KCNIP4: variants seen among roughly 807,000 people sequenced by gnomAD.
The protein encoded by KCNIP4 is potassium voltage-gated channel interacting protein 4, also known as Kv channel-interacting protein 4.
In KCNIP4, 12 loss-of-function variants were observed where a neutral mutation model predicts 34.0. The observed-to-expected ratio is 0.35, with a 90% CI of 0.23 to 0.57. The LOEUF is 0.57. Ranked by LOEUF, KCNIP4 falls within the 20% of genes least tolerant of loss-of-function variation. The probability of loss-of-function intolerance (pLI) is 0.83; values close to 1 mark genes in which losing one functional copy is unlikely to be tolerated. For missense variants in KCNIP4, 238 were observed against 311.7 expected (o/e 0.76, Z 1.78); for synonymous variants, 124 against 102.2 (o/e 1.21, Z -1.29).
rs200823659 is a variant in KCNIP4 at position 20,921,011 on chromosome 4, AAAGAT to A, written c.62-38307_62-38303del. On this transcript the variant is annotated intron_variant, in intron 1 of 8. Coordinates refer to ENST00000382152, the MANE Select transcript of KCNIP4 (RefSeq NM_025221.6). Reference sequence around the variant, plus strand: ...CAAAAACAAAAATAAAATAAATAAAAAAGATAAGCTTTGCCACAGGATAGAGGAGG... The same window carrying A: ...CAAAAACAAAAATAAAATAAATAAAAAAGCTTTGCCACAGGATAGAGGAGG... 6.1e-3 allele frequency among the ~76,000 whole-genome samples: 926 copies of A among 152,240 alleles called. 10 individuals carry two copies. Among genetic ancestry groups the A allele is most frequent in the African/African-American group, 0.021 (874 of 41,538 alleles).
intron 1 of KCNIP4, among the ~76,000 whole-genome samples, chr4:20,934,824 A>C (rs1333215194): frequency 6.6e-6 from 1 of 152,212 alleles, no homozygotes; most frequent in Non-Finnish European, 1.5e-5. Flanking sequence ...TCTCTTGGCT[A>C]TTTAAAACAA....
chr4:21,676,043 G>A (rs1177944130), intron 1 of KCNIP4, among the ~76,000 whole-genome samples: 2 of 152,096 alleles, frequency 1.3e-5, no homozygotes, highest in African/African-American at 2.4e-5. Flanking sequence ...AAACCATATG[G>A]AGCATAAAGA....
chr4:21,929,515 T>C (rs1326697575), intron 1 of KCNIP4, among the ~76,000 whole-genome samples: 3 of 152,168 alleles, frequency 2.0e-5, no homozygotes, highest in African/African-American at 7.2e-5. Flanking sequence ...TAGTTCTTTC[T>C]ATTGTGCTTT....
At chr4:21,603,592 G>A (rs148700281) in intron 1 of KCNIP4, among the ~76,000 whole-genome samples, 5 of 152,134 alleles carry the variant, frequency 3.3e-5, no homozygotes, top group Middle Eastern at 3.4e-3. Context: ...GTACCTTGCC[G>A]GCTAAGCTAA....
At chr4:21,555,020 A>G (rs1219578927) in intron 1 of KCNIP4, among the ~76,000 whole-genome samples, 2 of 152,184 alleles carry the variant, frequency 1.3e-5, no homozygotes, top group African/African-American at 4.8e-5. Context: ...TAGCCTATAG[A>G]AAGGCATTAC....
chr4:21,251,475 A>G (rs1017724439), intron 1 of KCNIP4, among the ~76,000 whole-genome samples: 8 of 152,160 alleles, frequency 5.3e-5, no homozygotes, highest in Non-Finnish European at 8.8e-5. Context: ...AGGTTTAATC[A>G]CTAGAGTGTT....
At chr4:21,869,775 T>TAGACAGACAGAC (rs1325814468) in intron 1 of KCNIP4, among the ~76,000 whole-genome samples, 31 of 87,638 alleles carry the variant, frequency 3.5e-4, no homozygotes, top group African/African-American at 1.0e-3. Flanking sequence ...GATAGATAGA[T>TAGACAGACAGAC]AGATAGATAG....
chr4:21,096,069 G>C (rs1747436082), intron 1 of KCNIP4, among the ~76,000 whole-genome samples: 1 of 152,010 alleles, frequency 6.6e-6, no homozygotes, highest in East Asian at 1.9e-4. Flanking sequence ...AAACTATCTG[G>C]GGAGATTAAA....
At chr4:21,632,865 A>G (rs1336224537) in intron 1 of KCNIP4, among the ~76,000 whole-genome samples, 1 of 152,200 alleles carries the variant, frequency 6.6e-6, no homozygotes, top group African/African-American at 2.4e-5. Flanking sequence ...AAATGCTTCC[A>G]TGAAAGCATT....
chr4:21,097,953 G>A (rs1747608175), intron 1 of KCNIP4, among the ~76,000 whole-genome samples: 2 of 152,126 alleles, frequency 1.3e-5, no homozygotes, highest in Non-Finnish European at 2.9e-5. Context: ...CAAAGGAAGA[G>A]TTCTTGAAGA....
chr4:21,766,568 TAAC>T (rs925515480), intron 1 of KCNIP4, among the ~76,000 whole-genome samples: 1 of 152,200 alleles, frequency 6.6e-6, no homozygotes, highest in African/African-American at 2.4e-5. Flanking sequence ...TAAAATTTTC[TAAC>T]AACAATGATC....
At chr4:21,605,020 G>A (rs1429218246) in intron 1 of KCNIP4, among the ~76,000 whole-genome samples, 2 of 152,156 alleles carry the variant, frequency 1.3e-5, no homozygotes, top group African/African-American at 4.8e-5. Context: ...AGGACACTGG[G>A]GTGTTTCTGG....
chr4:20,794,184 A>G (rs928934660), intron 3 of KCNIP4, among the ~76,000 whole-genome samples: 3 of 152,122 alleles, frequency 2.0e-5, no homozygotes, highest in Admixed American at 6.6e-5. Context: ...TCTCGGGTAT[A>G]TCTTTATCAG....
intron 1 of KCNIP4, among the ~76,000 whole-genome samples, chr4:21,221,738 T>A (rs1295304404): frequency 6.6e-6 from 1 of 152,062 alleles, no homozygotes; most frequent in Non-Finnish European, 1.5e-5. Context: ...AAGGCTGGAA[T>A]GAAATAAAAA....
intron 1 of KCNIP4, among the ~76,000 whole-genome samples, chr4:21,285,113 A>C (rs1398611502): frequency 6.6e-6 from 1 of 152,194 alleles, no homozygotes; most frequent in Non-Finnish European, 1.5e-5. Context: ...TTTTAAATTA[A>C]ATATTAATGC....
intron 1 of KCNIP4, among the ~76,000 whole-genome samples, chr4:21,627,105 C>T (rs1231139019): frequency 6.6e-6 from 1 of 152,108 alleles, no homozygotes; most frequent in Non-Finnish European, 1.5e-5. Context: ...TGTTGAAAAT[C>T]TTAGCCTAAA....
rs77401091 is a variant in KCNIP4, at chr4:21,575,179, A to G, written c.61+373392T>C. ...CTGACTTCAGGGAGGTCAGTCACAAAGGTGACAGCTGGGTAGCCATGGAGT... is the reference window on the plus strand; with the variant it reads ...CTGACTTCAGGGAGGTCAGTCACAAGGGTGACAGCTGGGTAGCCATGGAGT... On this transcript the variant is annotated intron_variant, in intron 1 of 8. Coordinates refer to ENST00000382152, the MANE Select transcript of KCNIP4 (RefSeq NM_025221.6). 8.4e-3 allele frequency among the ~76,000 whole-genome samples: 1,285 copies of G among 152,200 alleles called. 32 individuals are homozygous for G. Among genetic ancestry groups the G allele is most frequent in the African/African-American group, 0.029 (1,202 of 41,466 alleles).
chr4:20,995,104 C>T (rs1008184485), intron 1 of KCNIP4, among the ~76,000 whole-genome samples: 12 of 152,024 alleles, frequency 7.9e-5, no homozygotes, highest in African/African-American at 9.7e-5. Context: ...TGTTCTTTAC[C>T]GTAGGCTATT....
At chr4:21,754,911 C>G (rs1438342342) in intron 1 of KCNIP4, among the ~76,000 whole-genome samples, 1 of 152,034 alleles carries the variant, frequency 6.6e-6, no homozygotes, top group African/African-American at 2.4e-5. Flanking sequence ...TTTTTGGAGG[C>G]CGAGGTGGGC....
Sources: allele counts gnomAD v4.1 joint callset (sites outside exome capture counted in the v4.1 genomes callset), GRCh38; gene constraint gnomAD v4.1.1; transcripts MANE v1.5; gene names NCBI Gene and HGNC (gene_info 2026-07-23, HGNC 2026-07-21).